The following MGAM variants were observed in gnomAD, a reference collection of about 807,000 sequenced individuals.
The protein encoded by MGAM is maltase-glucoamylase, also known as alpha-1,4-glucosidase.
In MGAM, 253 loss-of-function variants were observed where a neutral mutation model predicts 358.8. The observed-to-expected ratio is 0.71, with a 90% confidence interval of 0.64 to 0.78. The LOEUF is 0.78. MGAM is among the 30% of genes least tolerant of loss of function. The probability of loss-of-function intolerance (pLI) is 0.00; values close to 1 mark genes in which losing one functional copy is unlikely to be tolerated. For synonymous variants in MGAM, 1,105 were observed against 1,227.1 expected, an observed-to-expected ratio of 0.90 and a Z score of 2.08; for missense variants, 3,080 against 3,432.6, an observed-to-expected ratio of 0.90 and a Z score of 2.57.
chr7:142,062,628 A>G lies in MGAM; in HGVS notation c.4183A>G (p.Lys1395Glu). 1 of 1,612,642 alleles carries G rather than the reference A, an allele frequency of 6.2e-7. No individual in the cohort carries two copies. Among genetic ancestry groups the G allele is most frequent in the Non-Finnish European group, 8.5e-7 (1 of 1,178,986 alleles). ...CCGTAATTCAACTGCCAAGTGGTGG[A>G]AGAGGGAAATAGAAGAACTATACAA... ...FFRNSTAKWW[K>E]REIEELYNNP... The change falls in exon 35 of 71, where the codon AAG becomes GAG. Residue 1395 changes from lysine to glutamate, a missense_variant. Around this residue, in one of 5 missense-constraint regions of MGAM, gnomAD observed 1,816 missense variants for 1,840.5 expected, o/e 0.99. Transcript: ENST00000475668.
Position 142,040,134 on chromosome 7 carries a change from C to A in MGAM, c.2336C>A (p.Ala779Glu). 6.2e-7 allele frequency: 1 copy of A among 1,612,378 alleles called. No individual in the cohort carries two copies. Among genetic ancestry groups the A allele is most frequent in the Non-Finnish European group, 8.5e-7 (1 of 1,178,962 alleles). Reference sequence around the variant, plus strand: ...TTTCAGGGTGCAGAGAAAGTGATGGCATATGTGCCTGATGCTGTCTGGTAT... The same window carrying A: ...TTTCAGGGTGCAGAGAAAGTGATGGAATATGTGCCTGATGCTGTCTGGTAT... ...VLDEGAEKVM[A>E]YVPDAVWYDY... The change falls in exon 20 of 71, where the codon GCA becomes GAA. Residue 779 changes from alanine to glutamate, a missense_variant. Coordinates refer to ENST00000475668, the MANE Select transcript of MGAM (RefSeq NM_001365693.1).
Position 142,040,658 on chromosome 7 carries a change from T to C in MGAM, c.2374-64T>C, listed in dbSNP as rs1178943037. The C allele has an allele frequency of 1.6e-5, 26 of 1,579,362 alleles. No individual in the cohort carries two copies. The African/African-American group carries it at 2.4e-4, about 15-fold the overall frequency. The stretch of plus-strand genomic sequence containing the variant: ...AGAGAGCTGTGTATCACCAGGCATG[T>C]AGATAATCAGTGAAGGGCAATATGC... On this transcript the variant is annotated intron_variant, in intron 20 of 70. Transcript: ENST00000475668.
intron 57 of MGAM, among the ~76,000 whole-genome samples, chr7:142,088,437 C>CTATGTATGTATGTATG (rs75555022): frequency 0.1 from 14,579 of 139,582 alleles, 2,003 homozygotes; most frequent in African/African-American, 0.23. Context: ...ATGTACCCAT[C>CTATGTATGTATGTATG]TATGTATGTA....
Position 142,092,111 on chromosome 7 carries a change from G to A in MGAM, c.6945+64G>A, listed in dbSNP as rs767627827. 226 of 1,512,658 alleles carry A rather than the reference G, an allele frequency of 1.5e-4. 34 individuals are homozygous for A. The highest frequency in any genetic ancestry group is 1.8e-4 in the Non-Finnish European group (200 of 1,106,170). The allele number at this position is 1,512,658 out of a possible 1,614,324, so 93.7% of individuals were successfully genotyped here. On this transcript the variant is annotated intron_variant, in intron 58 of 70. Coordinates refer to ENST00000475668, the MANE Select transcript of MGAM (RefSeq NM_001365693.1). ...TCTATCTTTGTGTGCCTACGTGTAT[G>A]TACCACTGACCTTCAGTCAAGAGGA...
rs2128996577 is a variant in MGAM at position 142,022,338 on chromosome 7, A to G, written c.781A>G (p.Thr261Ala). The change falls in exon 7 of 71, where the codon ACT (threonine) becomes GCT (alanine). Residue 261 changes from threonine (T) to alanine (A), a missense_variant. Thr to Ala is a moderately conservative substitution (Grantham distance 58, BLOSUM62 0). Coordinates refer to ENST00000475668, the MANE Select transcript of MGAM (RefSeq NM_001365693.1). ...FLQLSTRLPS[T>A]NVYGLGEHVH... ...GCAGCTCTCCACTCGACTGCCTAGC[A>G]CTAACGTGTATGGCCTGGGAGAGCA... is the stretch of plus-strand genomic sequence containing the variant. 6.2e-7 allele frequency: 1 copy of G among 1,613,692 alleles called. No individual in the cohort carries two copies. Among genetic ancestry groups the G allele is most frequent in the Non-Finnish European group, 8.5e-7 (1 of 1,179,690 alleles).
At position 142,010,992 on chromosome 7, in the gene MGAM, A is replaced by G. The variant is rs1455085110; in HGVS notation, c.327+2287A>G. Among the ~76,000 whole-genome samples, 2 of 152,332 alleles carry G rather than the reference A, an allele frequency of 1.3e-5. 1 individual carries two copies. Among genetic ancestry groups the G allele is most frequent in the African/African-American group, 4.8e-5 (2 of 41,584 alleles). ...AGATATCCAGCTTAGGAAAGAAATG[A>G]TAGTTAATACTTTTAAATCCTTTGA... On this transcript the variant is annotated intron_variant, in intron 3 of 70. Coordinates refer to ENST00000475668, the MANE Select transcript of MGAM (RefSeq NM_001365693.1).
chr7:142,048,131 ATTTATTTATTTATTT>A (rs1271087350), intron 22 of MGAM, among the ~76,000 whole-genome samples: 8 of 39,682 alleles, frequency 2.0e-4, no homozygotes, highest in Non-Finnish European at 1.6e-4. Context: ...TTATTTATTT[ATTTATTTATTTATTT>A]ATTTATTTAT....
At chr7:142,020,476 A>G (rs1313800231) in intron 4 of MGAM, among the ~76,000 whole-genome samples, 11 of 152,052 alleles carry the variant, frequency 7.2e-5, no homozygotes, top group Non-Finnish European at 1.5e-4. Context: ...GATGATATCT[A>G]GCTCCAGAAT....
intron 14 of MGAM, among the ~76,000 whole-genome samples, chr7:142,033,277 G>A (rs945301972): frequency 1.3e-5 from 2 of 152,116 alleles, no homozygotes; most frequent in Non-Finnish European, 2.9e-5. Context: ...TTGGTCATCA[G>A]GTAAGGGTTA....
chr7:142,104,836 G>A (rs186258910), intron 70 of MGAM, among the ~76,000 whole-genome samples: 63 of 152,208 alleles, frequency 4.1e-4, no homozygotes, highest in Middle Eastern at 3.4e-3. Context: ...TTATCATCCC[G>A]ATGGTAAATG....
chr7:142,036,923 T>G lies in MGAM; in HGVS notation c.2177T>G (p.Leu726Arg). The change falls in exon 18 of 71, where the codon CTC (leucine) becomes CGC (arginine). Residue 726 changes from leucine (L) to arginine (R), a missense_variant. This residue lies in a region of MGAM where 1,816 missense variants were observed against 1,840.5 expected (regional missense o/e 0.99). Coordinates refer to ENST00000475668, the MANE Select transcript of MGAM (RefSeq NM_001365693.1). ...ACTCTATTGCCCTACCTATACACCC[T>G]CTTCTTCCGTGCTCACAGCCGAGGG... ...RYTLLPYLYTLFFRAHSRGDT... is the reference protein window; with the variant it reads ...RYTLLPYLYTRFFRAHSRGDT... 1 of 1,613,736 alleles carries G rather than the reference T, an allele frequency of 6.2e-7. No individual in the cohort carries two copies. Among genetic ancestry groups the G allele is most frequent in the Non-Finnish European group, 8.5e-7 (1 of 1,179,686 alleles).
chr7:141,999,795 A>G (rs1804591360), intron 1 of MGAM, among the ~76,000 whole-genome samples: 1 of 152,086 alleles, frequency 6.6e-6, no homozygotes, highest in Admixed American at 6.6e-5. Context: ...GCGTCTTGCC[A>G]TTTTTCCTGA....
intron 44 of MGAM, among the ~76,000 whole-genome samples, chr7:142,072,343 A>C (rs1813411900): frequency 6.8e-6 from 1 of 146,016 alleles, no homozygotes; most frequent in African/African-American, 2.4e-5. Flanking sequence ...CCTTTCCAAC[A>C]TCTGTGCCTG....
In MGAM at chr7:142,094,431, C is replaced by T. The variant is rs762453882; in HGVS notation, c.7240C>T (p.Arg2414Cys). 8 of 1,534,938 alleles carry T rather than the reference C, an allele frequency of 5.2e-6. 1 individual carries two copies. Among genetic ancestry groups the T allele is most frequent in the Non-Finnish European group, 7.1e-6 (8 of 1,122,062 alleles). Reference protein sequence around the residue: ...ITRSTFPSSGRWAGHWLGDNT... With the variant: ...ITRSTFPSSGCWAGHWLGDNT... ...CCGCTCCACATTTCCCTCTTCTGGC[C>T]GCTGGGCAGGACATTGGCTGGGAGA... Residue 2414 changes from arginine (R) to cysteine (C), a missense_variant, in exon 61 of 71, where the codon CGC (arginine) becomes TGC (cysteine). Coordinates refer to ENST00000475668, the MANE Select transcript of MGAM (RefSeq NM_001365693.1).
chr7:142,032,299 A>G (rs1333712668), intron 13 of MGAM, among the ~76,000 whole-genome samples: 1 of 152,096 alleles, frequency 6.6e-6, no homozygotes, highest in Non-Finnish European at 1.5e-5. Flanking sequence ...TCCAGAGTTG[A>G]AACTTTTTCT....
intron 7 of MGAM, 71 bp downstream of exon 7, chr7:142,022,510 C>T (rs1296615230): frequency 6.1e-6 from 9 of 1,486,564 alleles, no homozygotes; most frequent in South Asian, 2.6e-5. Context: ...TCTAGTATTA[C>T]AGTGTAGTGT....
At chr7:142,049,238 A>G (rs77006318) in intron 22 of MGAM, among the ~76,000 whole-genome samples, 2,481 of 152,178 alleles carry the variant, frequency 0.016, 41 homozygotes, top group Middle Eastern at 0.071. Context: ...ATATACCACA[A>G]TTTCTTTATT....
At position 142,064,239 on chromosome 7, in the gene MGAM, G is replaced by A. The variant is rs563069679; in HGVS notation, c.4346-145G>A. The A allele has an allele frequency of 9.9e-6, 12 of 1,209,710 alleles. No homozygotes were observed. The Admixed American group carries it at 1.5e-4, about 15-fold the overall frequency. The allele number at this position is 1,209,710 out of a possible 1,614,324, so 74.9% of individuals were successfully genotyped here. A position where few individuals can be genotyped will look rare whatever the true frequency, so the allele number is the denominator to read the frequency against. The stretch of plus-strand genomic sequence containing the variant: ...GCCAATGCAGCTCAGAGCTGGGGGC[G>A]CTGTGCTCATGTCTCTGGGGAGATG... On this transcript the variant is annotated intron_variant, in intron 36 of 70. Coordinates refer to ENST00000475668, the MANE Select transcript of MGAM (RefSeq NM_001365693.1).
Position 142,052,358 on chromosome 7 carries a change from A to T in MGAM, c.2870A>T (p.Lys957Met). The stretch of plus-strand genomic sequence containing the variant: ...GCATACACAGTGGAATGGAGCATAA[A>T]GATAAGGGATGAAGAAAAAATAGAC... The part of the protein sequence containing the change: ...GEAYTVEWSI[K>M]IRDEEKIDCY... The change falls in exon 25 of 71, where the codon AAG (lysine) becomes ATG (methionine). Residue 957 changes from lysine to methionine, a missense_variant. Lys to Met is a moderately conservative substitution (Grantham distance 95, BLOSUM62 -1). Transcript: ENST00000475668. 1.9e-6 allele frequency: 3 copies of T among 1,611,678 alleles called. No individual in the cohort carries two copies. Among genetic ancestry groups the T allele is most frequent in the Non-Finnish European group, 2.5e-6 (3 of 1,178,810 alleles).
Sources: allele counts gnomAD v4.1 joint callset (sites outside exome capture counted in the v4.1 genomes callset), GRCh38; gene constraint gnomAD v4.1.1; regional missense constraint gnomAD v4.1.1; transcripts MANE v1.5; gene names NCBI Gene and HGNC (gene_info 2026-07-23, HGNC 2026-07-21).